ATXN7: variants seen among roughly 807,000 people sequenced by gnomAD.
The protein encoded by ATXN7 is ataxin 7.
In ATXN7, 12 loss-of-function variants were observed where a neutral mutation model predicts 70.5. The ratio of observed to expected loss-of-function variants is 0.17; its 90% CI spans 0.11 to 0.28. The LOEUF is 0.28. Among genes scored for constraint, ATXN7 ranks in the 10% least tolerant of loss-of-function variants. The pLI is 1.00. For missense variants in ATXN7, 1,256 were observed against 1,131.7 expected, an observed-to-expected ratio of 1.11 and a Z score of -1.58; for synonymous variants, 498 against 448.7, an observed-to-expected ratio of 1.11 and a Z score of -1.39.
At chr3:63,996,605 A>T in intron 12 of ATXN7, 122 bp downstream of exon 12, 16 of 455,722 alleles carry the variant, frequency 3.5e-5, no homozygotes, top group Non-Finnish European at 4.7e-5. Flanking sequence ...ATTCAGCTTC[A>T]TGGTGTCTTC....
intron 4 of ATXN7, among the ~76,000 whole-genome samples, chr3:63,933,239 C>A (rs1422811740): frequency 6.6e-6 from 1 of 152,178 alleles, no homozygotes; most frequent in Admixed American, 6.5e-5. Context: ...AAGGAACTGG[C>A]AGGCTCTACC....
At chr3:63,879,150 G>A (rs1224773935) in intron 1 of ATXN7, among the ~76,000 whole-genome samples, 3 of 152,036 alleles carry the variant, frequency 2.0e-5, no homozygotes, top group African/African-American at 4.8e-5. Context: ...AAACCTTAAA[G>A]CATGTGAACT....
intron 1 of ATXN7, among the ~76,000 whole-genome samples, chr3:63,877,353 C>T (rs141525005): frequency 2.0e-3 from 299 of 152,220 alleles, no homozygotes; most frequent in African/African-American, 6.9e-3. Context: ...TATGTATATC[C>T]CCCCAGCTGC....
At chr3:63,885,418 CT>C (rs1703058757) in intron 1 of ATXN7, among the ~76,000 whole-genome samples, 1 of 152,002 alleles carries the variant, frequency 6.6e-6, no homozygotes, top group South Asian at 2.1e-4. Flanking sequence ...GTTAGAATGG[CT>C]ATTCAAAAAG....
At chr3:63,891,679 A>G (rs1013388259) in intron 1 of ATXN7, among the ~76,000 whole-genome samples, 9 of 152,170 alleles carry the variant, frequency 5.9e-5, no homozygotes, top group African/African-American at 1.7e-4. Context: ...CCTTACTGCA[A>G]TGAATATTGG....
At chr3:63,888,037 G>A (rs1309004299) in intron 1 of ATXN7, among the ~76,000 whole-genome samples, 1 of 152,060 alleles carries the variant, frequency 6.6e-6, no homozygotes, top group Non-Finnish European at 1.5e-5. Context: ...ACAGTGTTAT[G>A]AACAGTAAGC....
chr3:63,996,601 C>T (rs2106807095), intron 12 of ATXN7, 118 bp downstream of exon 12: 2 of 576,856 alleles, frequency 3.5e-6, no homozygotes, highest in East Asian at 3.7e-5. Context: ...AGATATTCAG[C>T]TTCATGGTGT....
At chr3:63,997,193 A>T (rs1576008259) in intron 12 of ATXN7, among the ~76,000 whole-genome samples, 2 of 152,132 alleles carry the variant, frequency 1.3e-5, no homozygotes, top group Non-Finnish European at 2.9e-5. Context: ...GGGAGGCGGA[A>T]GTTGCAGTGA....
intron 4 of ATXN7, among the ~76,000 whole-genome samples, chr3:63,918,519 A>G (rs987284703): frequency 6.6e-6 from 1 of 152,218 alleles, no homozygotes; most frequent in Non-Finnish European, 1.5e-5. Context: ...TTCAGCAAAT[A>G]ATGAGTCATG....
chr3:63,863,811 C>T, upstream of ATXN7: 4 of 1,234,266 alleles, frequency 3.2e-6, no homozygotes, highest in Middle Eastern at 3.1e-4. Context: ...GCGGCGGCGG[C>T]GGCGGCGGCG....
At position 63,925,838 on chromosome 3, in the gene ATXN7, A is replaced by T. The variant is rs147987230; in HGVS notation, c.394+12613A>T. ...GAGTTAGCCAGTCTGGTGTGGAAGC[A>T]GCTTGTGAGGCTGGGGCATCAGTGT... On this transcript the variant is annotated intron_variant, in intron 4 of 12. Coordinates refer to ENST00000674280, the MANE Select transcript of ATXN7 (RefSeq NM_001377405.1). 2.7e-3 allele frequency among the ~76,000 whole-genome samples: 415 copies of T among 152,288 alleles called. 3 individuals are homozygous for T. Among genetic ancestry groups the T allele is most frequent in the African/African-American group, 8.9e-3 (371 of 41,560 alleles).
chr3:63,965,540 G>A (rs988702854), intron 5 of ATXN7, among the ~76,000 whole-genome samples: 4 of 152,150 alleles, frequency 2.6e-5, no homozygotes, highest in African/African-American at 9.7e-5. Context: ...CGGTCAGTGA[G>A]GCACGGATGT....
Position 63,899,909 on chromosome 3 carries a change from G to A in ATXN7, c.-12+1412G>A, listed in dbSNP as rs575514895. 7.2e-5 allele frequency among the ~76,000 whole-genome samples: 11 copies of A among 152,086 alleles called. No individual in the cohort carries two copies. In the South Asian group the frequency reaches 1.2e-3, roughly 17 times the overall value. ...TGGGATTACACGCGTGAGCCACTGCGCCCGGCCTAAAAAAAATTTAAAAAA... is the reference window on the plus strand; with the variant it reads ...TGGGATTACACGCGTGAGCCACTGCACCCGGCCTAAAAAAAATTTAAAAAA... On this transcript the variant is annotated intron_variant, in intron 2 of 12. Transcript: ENST00000674280.
intron 11 of ATXN7, among the ~76,000 whole-genome samples, chr3:63,991,579 GA>G (rs2075672385): frequency 1.3e-5 from 2 of 152,056 alleles, no homozygotes; most frequent in African/African-American, 4.8e-5. Flanking sequence ...AGTCAGAAAA[GA>G]CAGTTTGTTG....
At chr3:63,962,881 T>C (rs1434227449) in intron 5 of ATXN7, among the ~76,000 whole-genome samples, 2 of 151,956 alleles carry the variant, frequency 1.3e-5, no homozygotes, top group Non-Finnish European at 2.9e-5. Context: ...ATACACTTGT[T>C]TGATGTAATA....
At chr3:63,931,591 C>A (rs1209868710) in intron 4 of ATXN7, among the ~76,000 whole-genome samples, 2 of 152,104 alleles carry the variant, frequency 1.3e-5, no homozygotes, top group Non-Finnish European at 2.9e-5. Context: ...TCCTTATGGC[C>A]TTTTTGTCTT....
At chr3:63,956,255 C>T (rs1314890831) in intron 5 of ATXN7, among the ~76,000 whole-genome samples, 1 of 151,758 alleles carries the variant, frequency 6.6e-6, no homozygotes, top group African/African-American at 2.4e-5. Context: ...AGGTGTGAAA[C>T]CCCGTCTGTA....
intron 3 of ATXN7, 55 bp downstream of exon 3, chr3:63,912,978 C>A: frequency 8.2e-7 from 1 of 1,217,500 alleles, no homozygotes; most frequent in East Asian, 4.6e-5. Context: ...CCTCCTCTCT[C>A]CTCCCCTCCC....
rs577815894 is a variant in ATXN7, at chr3:63,917,469, T to C, written c.394+4244T>C. Among the ~76,000 whole-genome samples, 18 of 152,338 alleles carry C rather than the reference T, an allele frequency of 1.2e-4. 1 individual carries two copies. In the South Asian group the frequency reaches 2.5e-3, roughly 21 times the overall value. On this transcript the variant is annotated intron_variant, in intron 4 of 12. Transcript: ENST00000674280. ...AGAGACCCTTAAAAAATAAAAACTT[T>C]AAATGCCTTAGTTGCACAGCAGATT...
Sources: gnomAD v4.1 joint callset for allele counts (sites outside exome capture counted in the v4.1 genomes callset) on GRCh38, gnomAD v4.1.1 for gene constraint, MANE v1.5 for transcripts, NCBI Gene and HGNC (gene_info 2026-07-23, HGNC 2026-07-21) for gene names.